The following SOX6 variants were observed in gnomAD, a reference collection of about 807,000 sequenced individuals.
SOX6 encodes transcription factor SOX-6.
SOX6 carries 11 observed loss-of-function variants against 97.8 expected under a neutral mutation model. The observed-to-expected ratio is 0.11, with a 90% CI of 0.07 to 0.19. The LOEUF (loss-of-function observed/expected upper bound fraction) is 0.19, where lower values mean the gene tolerates loss of function less well. Ranked by LOEUF, SOX6 falls within the 10% of genes least tolerant of loss-of-function variation. The pLI is 1.00. For synonymous variants in SOX6, 360 were observed against 371.4 expected (o/e 0.97, Z 0.35); for missense variants, 810 against 1,039.5 (o/e 0.78, Z 3.04).
intron 3 of SOX6, among the ~76,000 whole-genome samples, chr11:16,619,996 G>A (rs1848522049): frequency 6.6e-6 from 1 of 152,006 alleles, no homozygotes; most frequent in South Asian, 2.1e-4. Flanking sequence ...TTATTTACAT[G>A]AGCATTACAA....
At chr11:16,174,992 GC>G (rs1308010225) in intron 6 of SOX6, among the ~76,000 whole-genome samples, 15 of 151,956 alleles carry the variant, frequency 9.9e-5, no homozygotes, top group Middle Eastern at 3.4e-3. Context: ...ATTTCTGAGT[GC>G]CTGACAAACC....
chr11:16,359,901 AT>A (rs1325159974), upstream of SOX6, among the ~76,000 whole-genome samples: 2 of 152,154 alleles, frequency 1.3e-5, no homozygotes, highest in Admixed American at 6.5e-5. Flanking sequence ...AAAGCTACCA[AT>A]TTATCCCCAT....
rs4757418 is a variant in SOX6, at chr11:16,607,784, C to A, written n.609+4297G>T. Reference sequence around the variant, plus strand: ...TGAGTGGCCAGGGCATTGATCTGAGCGAGGGAGAGGAGGCTGGGCTCCCCT... The same window carrying A: ...TGAGTGGCCAGGGCATTGATCTGAGAGAGGGAGAGGAGGCTGGGCTCCCCT... On this transcript the variant is annotated intron_variant and non_coding_transcript_variant, in intron 4 of 5. Transcript: ENST00000524520. The surrounding 1 kb of genome is among the most constrained non-coding windows in gnomAD (Gnocchi z 6.5). 0.11 allele frequency: 16,002 copies of A among 152,360 alleles called. 913 individuals are homozygous for A. The highest frequency in any genetic ancestry group is 0.14 in the Non-Finnish European group (9,224 of 68,206). The allele number at this position is 152,360 out of a possible 1,614,324, so 9.4% of individuals were successfully genotyped here. A position where few individuals can be genotyped will look rare whatever the true frequency, so the allele number is the denominator to read the frequency against.
chr11:15,992,142 A>G (rs1337006525), intron 13 of SOX6, among the ~76,000 whole-genome samples: 1 of 152,218 alleles, frequency 6.6e-6, no homozygotes, highest in Non-Finnish European at 1.5e-5. Flanking sequence ...AGAATAGAAA[A>G]TGCTTTAGAT....
rs537412886 is a variant in SOX6, at chr11:16,037,924, G to A, written c.1623+8590C>T. Among the ~76,000 whole-genome samples the A allele has an allele frequency of 7.2e-5, 11 of 152,236 alleles. No individual in the cohort carries two copies. The South Asian group carries it at 2.3e-3, about 32-fold the overall frequency. ...TGCTCTTCTACCAATTATGTGTCAG[G>A]TTCTGAATGAGGCCACTTATGTTGA... On this transcript the variant is annotated intron_variant, in intron 12 of 15. Transcript: ENST00000683767.
chr11:16,624,801 G>T (rs938159782), intron 3 of SOX6, among the ~76,000 whole-genome samples: 2 of 152,178 alleles, frequency 1.3e-5, no homozygotes, highest in Admixed American at 6.5e-5. Flanking sequence ...TGTCCAGTTT[G>T]TTTGGTCAGT....
intron 3 of SOX6, among the ~76,000 whole-genome samples, chr11:16,656,088 T>C (rs1459610475): frequency 2.7e-5 from 4 of 149,430 alleles, no homozygotes; most frequent in Non-Finnish European, 6.0e-5. Context: ...GAAGTCTTGC[T>C]TTTTTTTTTG....
chr11:16,223,632 C>T (rs189773887), intron 4 of SOX6, among the ~76,000 whole-genome samples: 1 of 152,176 alleles, frequency 6.6e-6, no homozygotes, highest in East Asian at 1.9e-4. Flanking sequence ...AGAATACTAG[C>T]TACTTTAATA....
At position 16,132,409 on chromosome 11, in the gene SOX6, G is replaced by GAAAA. The variant is rs1220417609; in HGVS notation, c.778-20487_778-20486insTTTT. Reference sequence around the variant, plus strand: ...AAGAAAGAAAGAAAGAAAAAAGAAAGAAAGAAAGAAAGAAAGAAAGAAAGA... The same window carrying GAAAA: ...AAGAAAGAAAGAAAGAAAAAAGAAAGAAAAAAAGAAAGAAAGAAAGAAAGAAAGA... On this transcript the variant is annotated intron_variant, in intron 6 of 15. Coordinates refer to ENST00000683767, the MANE Select transcript of SOX6 (RefSeq NM_001367873.1). Among the ~76,000 whole-genome samples, 6 of 64,532 alleles carry GAAAA rather than the reference G, an allele frequency of 9.3e-5. 1 individual carries two copies. Among genetic ancestry groups the GAAAA allele is most frequent in the African/African-American group, 3.7e-4 (6 of 16,072 alleles). The allele number at this position is 64,532 out of a possible 152,430, so 42.3% of individuals were successfully genotyped here.
chr11:16,340,287 A>G (rs1278493749), intron 2 of SOX6, among the ~76,000 whole-genome samples: 1 of 152,006 alleles, frequency 6.6e-6, no homozygotes. Context: ...AATAAAATAT[A>G]TTAACATTTT....
chr11:16,226,970 A>G (rs1247926371), intron 4 of SOX6, among the ~76,000 whole-genome samples: 3 of 152,218 alleles, frequency 2.0e-5, no homozygotes, highest in Non-Finnish European at 4.4e-5. Flanking sequence ...TTTGTATTGT[A>G]TTAAGCAGAG....
chr11:16,231,082 A>AT (rs1852833492), intron 4 of SOX6, among the ~76,000 whole-genome samples: 1 of 151,794 alleles, frequency 6.6e-6, no homozygotes, highest in African/African-American at 2.4e-5. Context: ...ATAGCCAACT[A>AT]ATTGGATGAA....
At chr11:16,305,299 C>T (rs964394980) in intron 3 of SOX6, among the ~76,000 whole-genome samples, 17 of 152,160 alleles carry the variant, frequency 1.1e-4, no homozygotes, top group African/African-American at 3.9e-4. Flanking sequence ...GGCAAACAAA[C>T]GTGTGAAATA....
At chr11:16,619,987 T>G (rs7130487) in intron 3 of SOX6, among the ~76,000 whole-genome samples, 149,042 of 152,196 alleles carry the variant, frequency 0.98, 73,065 homozygotes, top group East Asian at 1. Context: ...GTAAGCTGAT[T>G]ATTTACATGA....
intron 12 of SOX6, among the ~76,000 whole-genome samples, chr11:16,032,273 G>C (rs773426341): frequency 6.6e-6 from 1 of 152,058 alleles, no homozygotes; most frequent in African/African-American, 2.4e-5. Flanking sequence ...TGAACCTAGA[G>C]TTACCTGCAT....
intron 1 of SOX6, chr11:16,397,604 C>G (rs1483158235): frequency 1.3e-5 from 2 of 151,760 alleles, no homozygotes; most frequent in Non-Finnish European, 3.0e-5. Flanking sequence ...TCTGGTTAAC[C>G]CTTAGCATTA....
intron 3 of SOX6, chr11:16,313,366 A>T (rs1022590550): frequency 6.6e-6 from 1 of 152,176 alleles, no homozygotes; most frequent in African/African-American, 2.4e-5. Context: ...AATGCAAGAA[A>T]GGTAATCATT....
intron 3 of SOX6, among the ~76,000 whole-genome samples, chr11:16,237,732 A>T (rs1054603268): frequency 6.6e-6 from 1 of 152,072 alleles, no homozygotes; most frequent in African/African-American, 2.4e-5. Flanking sequence ...TTATAAACAT[A>T]AATATATTTT....
At chr11:16,138,797 G>A (rs560900890) in intron 6 of SOX6, among the ~76,000 whole-genome samples, 7 of 151,840 alleles carry the variant, frequency 4.6e-5, no homozygotes, top group Admixed American at 1.3e-4. Context: ...GAGAACATGC[G>A]GTGTTTGGTT....
Sources: allele counts gnomAD v4.1 joint callset (sites outside exome capture counted in the v4.1 genomes callset), GRCh38; gene constraint gnomAD v4.1.1; non-coding constraint Gnocchi (gnomAD v3.1); transcripts MANE v1.5; gene names NCBI Gene and HGNC (gene_info 2026-07-23, HGNC 2026-07-21).